Variants in GPR155 observed in about 807,000 individuals in gnomAD.
The protein encoded by GPR155 is lysosomal cholesterol signaling protein.
A neutral mutation model predicts 93.1 loss-of-function variants in GPR155; 65 were observed. The observed-to-expected ratio is 0.70, with a 90% CI of 0.57 to 0.86. GPR155 has a LOEUF of 0.86. Ranked by LOEUF, GPR155 falls within the 40% of genes least tolerant of loss-of-function variation. The pLI is 0.00. For missense variants in GPR155, 838 were observed against 1,034.8 expected, an observed-to-expected ratio of 0.81 and a Z score of 2.61; for synonymous variants, 319 against 360.1, an observed-to-expected ratio of 0.89 and a Z score of 1.29.
At chr2:174,459,267 A>G (rs1450891994) in intron 10 of GPR155, among the ~76,000 whole-genome samples, 1 of 152,158 alleles carries the variant, frequency 6.6e-6, no homozygotes, top group Non-Finnish European at 1.5e-5. Context: ...CTGATACAAT[A>G]TTGTTAAATT....
chr2:174,446,605 C>T lies in GPR155; in HGVS notation c.2013+6G>A. ...GCCCCAAAACAAAACCAGAAAAAACCATTACAGCGAACAGGCCAATGATGA... is the reference window on the plus strand; with the variant it reads ...GCCCCAAAACAAAACCAGAAAAAACTATTACAGCGAACAGGCCAATGATGA... On this transcript the variant is annotated splice_donor_region_variant and intron_variant, in intron 12 of 15. Coordinates refer to ENST00000392552, the MANE Select transcript of GPR155 (RefSeq NM_152529.7). The T allele has an allele frequency of 1.3e-6, 2 of 1,599,912 alleles. No homozygotes were observed. Among genetic ancestry groups the T allele is most frequent in the South Asian group, 1.1e-5 (1 of 88,376 alleles).
chr2:174,466,740 G>A (rs1223503668), intron 5 of GPR155, 113 bp from the exon 6 acceptor site: 2 of 602,888 alleles, frequency 3.3e-6, no homozygotes, highest in Non-Finnish European at 5.9e-6. Context: ...GGTTCGGAAA[G>A]AATTTCCAAT....
intron 15 of GPR155, among the ~76,000 whole-genome samples, chr2:174,437,355 C>A (rs1686815483): frequency 6.6e-6 from 1 of 152,136 alleles, no homozygotes; most frequent in South Asian, 2.1e-4. Flanking sequence ...AATGAATATT[C>A]ATTAGAGTTT....
At chr2:174,484,125 A>G (rs1418258284) in intron 1 of GPR155, among the ~76,000 whole-genome samples, 1 of 152,156 alleles carries the variant, frequency 6.6e-6, no homozygotes, top group Admixed American at 6.5e-5. Flanking sequence ...CCATTTGAAA[A>G]CCTTATATTT....
chr2:174,453,021 C>A (rs1029698434), intron 11 of GPR155, among the ~76,000 whole-genome samples: 7 of 152,130 alleles, frequency 4.6e-5, no homozygotes, highest in Admixed American at 4.6e-4. Flanking sequence ...CATAAAGATT[C>A]AAAATATAAT....
At position 174,455,375 on chromosome 2, in the gene GPR155, C is replaced by T. The variant is rs542083886; in HGVS notation, c.1772-1534G>A. ...GCAGGGAGAGGTGGCAGAATAGGCT[C>T]GGAGAGGGAATATGGCTGGCAGTGG... is the stretch of plus-strand genomic sequence containing the variant. On this transcript the variant is annotated intron_variant, in intron 10 of 15. Transcript: ENST00000392552. 1.6e-3 allele frequency among the ~76,000 whole-genome samples: 36 copies of T among 22,612 alleles called. No individual in the cohort carries two copies. In the Admixed American group the frequency reaches 0.026, roughly 17 times the overall value. 14.8% of individuals were successfully genotyped at this position (22,612 alleles called of 152,430 possible). A position where few individuals can be genotyped will look rare whatever the true frequency, so the allele number is the denominator to read the frequency against.
At chr2:174,466,300 G>A (rs940368403) in intron 6 of GPR155, among the ~76,000 whole-genome samples, 7 of 151,996 alleles carry the variant, frequency 4.6e-5, no homozygotes, top group East Asian at 3.8e-4. Context: ...TGATTAAATT[G>A]TTTCTATTAA....
At chr2:174,441,569 C>T (rs1323842568) in intron 14 of GPR155, among the ~76,000 whole-genome samples, 1 of 151,992 alleles carries the variant, frequency 6.6e-6, no homozygotes, top group African/African-American at 2.4e-5. Context: ...TCTCCTAATG[C>T]TATCCCTCCC....
chr2:174,456,202 G>A (rs1687512358), intron 10 of GPR155, among the ~76,000 whole-genome samples: 2 of 152,108 alleles, frequency 1.3e-5, no homozygotes, highest in Admixed American at 6.6e-5. Flanking sequence ...GTATAAAGGG[G>A]TCAGGTTAGA....
Position 174,470,393 on chromosome 2 carries a change from T to A in GPR155, c.1023A>T (p.Glu341Asp). 1.2e-6 allele frequency: 2 copies of A among 1,612,240 alleles called. No homozygotes were observed. Among genetic ancestry groups the A allele is most frequent in the Non-Finnish European group, 1.7e-6 (2 of 1,178,684 alleles). ...IFATQFNMEVEIITSGMVIST... is the reference protein window; with the variant it reads ...IFATQFNMEVDIITSGMVIST... Reference sequence around the variant, plus strand: ...TTAGAAAGTACTATATACATACAATTTCTACTTCCATGTTGAATTGTGTTG... The same window carrying A: ...TTAGAAAGTACTATATACATACAATATCTACTTCCATGTTGAATTGTGTTG... Residue 341 changes from glutamate (E) to aspartate (D), a missense_variant, in exon 4 of 16, where the codon GAA (glutamate) becomes GAT (aspartate). Transcript: ENST00000392552.
At chr2:174,446,812 T>C (rs2105680114) in intron 11 of GPR155, 65 bp from the exon 12 acceptor site, 1 of 1,438,190 alleles carries the variant, frequency 7.0e-7, no homozygotes, top group Non-Finnish European at 9.7e-7. Flanking sequence ...TTTAAATTTG[T>C]AATGACTTCC....
rs529902022 is a variant in GPR155, at chr2:174,480,792, C to T, written c.460+705G>A. ...ACAATTTTTTTTTTTAAATTTGAGA[C>T]AGGGTCTCACTCTGTCACCCAGGCT... On this transcript the variant is annotated intron_variant, in intron 2 of 15. Coordinates refer to ENST00000392552, the MANE Select transcript of GPR155 (RefSeq NM_152529.7). 5.3e-5 allele frequency among the ~76,000 whole-genome samples: 8 copies of T among 151,692 alleles called. No homozygotes were observed. The East Asian group carries it at 1.2e-3, about 22-fold the overall frequency.
chr2:174,441,985 C>A (rs570004574), intron 14 of GPR155, 134 bp downstream of exon 14: 35 of 616,188 alleles, frequency 5.7e-5, no homozygotes, highest in South Asian at 5.1e-4. Context: ...TGAGTTCAAG[C>A]AATCTGCCCA....
chr2:174,457,759 C>CA (rs1687562091), intron 10 of GPR155, among the ~76,000 whole-genome samples: 1 of 151,156 alleles, frequency 6.6e-6, no homozygotes, highest in South Asian at 2.1e-4. Flanking sequence ...CAGGCCTTGA[C>CA]TTTTTTTTTA....
Position 174,453,829 on chromosome 2 carries a change from C to G in GPR155, c.1784G>C (p.Cys595Ser). 1 of 1,610,892 alleles carries G rather than the reference C, an allele frequency of 6.2e-7. No individual in the cohort carries two copies. Among genetic ancestry groups the G allele is most frequent in the East Asian group, 2.2e-5 (1 of 44,836 alleles). The change falls in exon 11 of 16, where the codon TGC becomes TCC. Residue 595 changes from cysteine to serine, a missense_variant. Cys to Ser is a moderately radical substitution (Grantham distance 112). Around this residue, in one of 3 missense-constraint regions of GPR155, gnomAD observed 663 missense variants for 790.1 expected, o/e 0.84. Coordinates refer to ENST00000392552, the MANE Select transcript of GPR155 (RefSeq NM_152529.7). ...SSIPETSCCS[C>S]SMGNGELHCP... ...GTGTAATTCACCATTTCCCATGGAG[C>G]AGGAGCAGCAACCTATATCAATCAA...
chr2:174,476,004 A>G lies in GPR155; in HGVS notation c.461-2640T>C, dbSNP rs142333420. Among the ~76,000 whole-genome samples the G allele has an allele frequency of 1.0e-3, 157 of 152,330 alleles. 2 individuals are homozygous for G. Among genetic ancestry groups the G allele is most frequent in the African/African-American group, 3.4e-3 (142 of 41,570 alleles). On this transcript the variant is annotated intron_variant, in intron 2 of 15. Transcript: ENST00000392552. Reference sequence around the variant, plus strand: ...CCTGGCACACTAGCATTTAATCACTACCGCATAATGAACTTTACATTGTTT... The same window carrying G: ...CCTGGCACACTAGCATTTAATCACTGCCGCATAATGAACTTTACATTGTTT...
At chr2:174,467,453 T>A (rs1687872738) in intron 5 of GPR155, among the ~76,000 whole-genome samples, 1 of 152,046 alleles carries the variant, frequency 6.6e-6, no homozygotes. Flanking sequence ...ACCACTGCAC[T>A]CCAGCCTGGG....
chr2:174,454,859 G>A (rs960119917), intron 10 of GPR155, among the ~76,000 whole-genome samples: 1 of 145,392 alleles, frequency 6.9e-6, no homozygotes, highest in African/African-American at 2.5e-5. Context: ...AGGAAGGGAA[G>A]GAAGGGAAAG....
rs1163821814 is a variant in GPR155 at position 174,433,142 on chromosome 2, TA to T, written c.*2973del. 6.6e-6 allele frequency: 1 copy of T among 152,182 alleles called. No homozygotes were observed. The highest frequency in any genetic ancestry group is 1.5e-5 in the Non-Finnish European group (1 of 68,018). The allele number at this position is 152,182 out of a possible 1,614,324, so 9.4% of individuals were successfully genotyped here. A position where few individuals can be genotyped will look rare whatever the true frequency, so the allele number is the denominator to read the frequency against. ...CTAACCCTATAAATTATTTTATAAA[TA>T]ACTTTTTTACATGAGACACTTAAAG... On this transcript the variant is annotated 3_prime_UTR_variant, in exon 16 of 16. Transcript: ENST00000392552.
Sources: gnomAD v4.1 joint callset for allele counts (sites outside exome capture counted in the v4.1 genomes callset) on GRCh38, gnomAD v4.1.1 for gene constraint, gnomAD v4.1.1 regional missense constraint, MANE v1.5 for transcripts, NCBI Gene and HGNC (gene_info 2026-07-23, HGNC 2026-07-21) for gene names.